The following TBC1D5 variants were observed in gnomAD, a reference collection of about 807,000 sequenced individuals.
TBC1D5 encodes the protein TBC1 domain family, member 5.
Under a neutral mutation model 100.3 loss-of-function variants are expected in TBC1D5, and 75 were observed. That is an observed-to-expected ratio of 0.75 (90% CI 0.62 to 0.91). The LOEUF (loss-of-function observed/expected upper bound fraction) is 0.91, where lower values mean the gene tolerates loss of function less well. Among genes scored for constraint, TBC1D5 ranks in the 40% least tolerant of loss-of-function variants. The pLI is 0.00. For synonymous variants in TBC1D5, 323 were observed against 325.6 expected (o/e 0.99, Z 0.09); for missense variants, 910 against 942.4 (o/e 0.97, Z 0.45).
intron 13 of TBC1D5, among the ~76,000 whole-genome samples, chr3:17,336,145 C>T (rs1285969144): frequency 6.6e-6 from 1 of 151,910 alleles, no homozygotes; most frequent in Non-Finnish European, 1.5e-5. Context: ...TTTGAGAAAA[C>T]TGTGGGCCAG....
intron 1 of TBC1D5, among the ~76,000 whole-genome samples, chr3:17,731,025 G>A (rs1322271453): frequency 6.6e-6 from 1 of 151,918 alleles, no homozygotes; most frequent in Non-Finnish European, 1.5e-5. Flanking sequence ...AGACTTGGTA[G>A]TATAAAGAAG....
chr3:17,386,048 A>T (rs1409177939), intron 8 of TBC1D5, among the ~76,000 whole-genome samples: 1 of 152,154 alleles, frequency 6.6e-6, no homozygotes, highest in Non-Finnish European at 1.5e-5. Flanking sequence ...ATTAATCAGG[A>T]TAAAAGATAG....
chr3:17,387,835 A>C (rs1044441827), intron 8 of TBC1D5, among the ~76,000 whole-genome samples: 5 of 151,764 alleles, frequency 3.3e-5, no homozygotes, highest in African/African-American at 4.8e-5. Flanking sequence ...ATGATGTTAC[A>C]GTTTCATGAA....
At position 17,586,164 on chromosome 3, in the gene TBC1D5, C is replaced by A. The variant is rs926191283; in HGVS notation, c.-36+37685G>T. On this transcript the variant is annotated intron_variant, in intron 2 of 21. Coordinates refer to ENST00000253692, the Ensembl canonical transcript of TBC1D5. The stretch of plus-strand genomic sequence containing the variant: ...AGCAGGAGGTAGGACAGAAACAGAT[C>A]AGGAAACTGAGTAACTGTGTTGGTT... 2.0e-5 allele frequency among the ~76,000 whole-genome samples: 3 copies of A among 152,156 alleles called. No individual in the cohort carries two copies. The South Asian group carries it at 6.2e-4, about 31-fold the overall frequency.
At chr3:17,650,578 T>A (rs999419292) in intron 1 of TBC1D5, among the ~76,000 whole-genome samples, 2 of 152,182 alleles carry the variant, frequency 1.3e-5, no homozygotes, top group Non-Finnish European at 2.9e-5. Context: ...AGAAGCCAAA[T>A]TGATTTCTTA....
Position 17,612,882 on chromosome 3 carries a change from CCTTTT to C in TBC1D5, c.-36+10962_-36+10966del, listed in dbSNP as rs1450697351. ...GAATACATAAGGGATGAGAAAGCCC[CCTTTT>C]CTTTTTTTTTTTTTTTTATTAAAGT... On this transcript the variant is annotated intron_variant, in intron 2 of 21. Transcript: ENST00000253692. Among the ~76,000 whole-genome samples the C allele has an allele frequency of 9.4e-5, 14 of 149,618 alleles. 1 individual carries two copies. Among genetic ancestry groups the C allele is most frequent in the South Asian group, 6.3e-4 (3 of 4,784 alleles).
intron 1 of TBC1D5, among the ~76,000 whole-genome samples, chr3:17,709,731 A>AT (rs1478685086): frequency 1.3e-5 from 2 of 152,106 alleles, no homozygotes; most frequent in East Asian, 1.9e-4. Context: ...CTTAAAAAAA[A>AT]TTTTTTTTAA....
chr3:17,723,080 C>T (rs1577801388), intron 1 of TBC1D5, among the ~76,000 whole-genome samples: 1 of 148,632 alleles, frequency 6.7e-6, no homozygotes, highest in African/African-American at 2.6e-5. Flanking sequence ...ATGAATAAAA[C>T]CTACTATTAT....
At chr3:17,489,902 T>A (rs1156395019) in intron 3 of TBC1D5, among the ~76,000 whole-genome samples, 1 of 152,192 alleles carries the variant, frequency 6.6e-6, no homozygotes, top group Non-Finnish European at 1.5e-5. Context: ...CAAATGGTAT[T>A]TCTGCCTTTA....
chr3:17,703,980 G>A (rs1451883219), intron 1 of TBC1D5, among the ~76,000 whole-genome samples: 28 of 142,244 alleles, frequency 2.0e-4, no homozygotes, highest in African/African-American at 7.4e-4. Flanking sequence ...GGGGGATTTG[G>A]CAGGGTCATG....
intron 2 of TBC1D5, among the ~76,000 whole-genome samples, chr3:17,520,486 A>G (rs1337566944): frequency 6.6e-6 from 1 of 152,196 alleles, no homozygotes; most frequent in African/African-American, 2.4e-5. Flanking sequence ...AACTCAGTAG[A>G]AGAAAGTTTC....
At chr3:17,315,701 G>C (rs1041636642) in intron 13 of TBC1D5, among the ~76,000 whole-genome samples, 2 of 152,200 alleles carry the variant, frequency 1.3e-5, no homozygotes, top group Non-Finnish European at 2.9e-5. Context: ...TCAATGCAAA[G>C]TGGAAATAAA....
intron 1 of TBC1D5, among the ~76,000 whole-genome samples, chr3:17,670,522 T>C (rs2153782019): frequency 6.6e-6 from 1 of 152,256 alleles, no homozygotes. Context: ...CCTTTTAGGA[T>C]AGTAGTTATA....
chr3:17,362,201 T>C (rs767217318), intron 13 of TBC1D5, among the ~76,000 whole-genome samples: 8 of 152,146 alleles, frequency 5.3e-5, no homozygotes, highest in Non-Finnish European at 8.8e-5. Context: ...CAAAACATAA[T>C]GTGTATGACT....
At chr3:17,624,539 A>G (rs1292442533) in intron 1 of TBC1D5, among the ~76,000 whole-genome samples, 1 of 152,162 alleles carries the variant, frequency 6.6e-6, no homozygotes, top group East Asian at 1.9e-4. Context: ...TACACCTAAT[A>G]ACTGTGATCT....
chr3:17,485,203 T>C (rs2095547466), intron 3 of TBC1D5, among the ~76,000 whole-genome samples: 1 of 152,090 alleles, frequency 6.6e-6, no homozygotes, highest in African/African-American at 2.4e-5. Context: ...AGTTTGTGAT[T>C]CCTCTGTTTA....
chr3:17,191,993 C>T (rs548382158), intron 18 of TBC1D5, among the ~76,000 whole-genome samples: 12 of 152,054 alleles, frequency 7.9e-5, no homozygotes, highest in African/African-American at 2.9e-4. Context: ...ATTGGGAAAA[C>T]AGGTTACAAA....
chr3:17,573,249 T>A (rs2096638306), intron 2 of TBC1D5, among the ~76,000 whole-genome samples: 1 of 152,080 alleles, frequency 6.6e-6, no homozygotes, highest in Non-Finnish European at 1.5e-5. Context: ...TGCAACCAAC[T>A]GCTAGATATG....
chr3:17,430,472 T>C (rs111885923), intron 3 of TBC1D5, among the ~76,000 whole-genome samples: 203 of 151,830 alleles, frequency 1.3e-3, no homozygotes, highest in Non-Finnish European at 1.9e-3. Context: ...AATGAAACTA[T>C]CACATTAAAT....
Sources: gnomAD v4.1 joint callset for allele counts (sites outside exome capture counted in the v4.1 genomes callset) on GRCh38, gnomAD v4.1.1 for gene constraint, MANE v1.5 for transcripts, NCBI Gene and HGNC (gene_info 2026-07-23, HGNC 2026-07-21) for gene names.